The following BCOR variants were observed in gnomAD, a reference collection of about 807,000 sequenced individuals.
BCOR encodes BCL6 corepressor.
A neutral mutation model predicts 86.7 loss-of-function variants in BCOR; 10 were observed. The observed-to-expected ratio is 0.12, with a 90% CI of 0.07 to 0.20. The LOEUF (loss-of-function observed/expected upper bound fraction) is 0.20, where lower values mean the gene tolerates loss of function less well. Among genes scored for constraint, BCOR ranks in the 10% least tolerant of loss-of-function variants. The pLI, the probability that BCOR is intolerant of heterozygous loss-of-function variation, is 1.00. For missense variants in BCOR, 1,259 were observed against 1,452.1 expected, an observed-to-expected ratio of 0.87 and a Z score of 2.16; for synonymous variants, 611 against 609.0, an observed-to-expected ratio of 1.00 and a Z score of -0.05.
intron 1 of BCOR, among the ~76,000 whole-genome samples, chrX:40,149,403 G>C (rs1293656788): frequency 9.0e-6 from 1 of 111,279 alleles, no homozygotes; most frequent in Non-Finnish European, 1.9e-5. Context: ...ATCCTGCTTC[G>C]GGAACACAAC....
At chrX:40,167,986 G>T (rs1243884568) in intron 1 of BCOR, among the ~76,000 whole-genome samples, 1 of 112,393 alleles carries the variant, frequency 8.9e-6, no homozygotes, top group Non-Finnish European at 1.9e-5. Flanking sequence ...CGCTACCTAC[G>T]CTAGCGCTGG....
chrX:40,085,416 C>G (rs906787542), intron 1 of BCOR, among the ~76,000 whole-genome samples: 1 of 111,325 alleles, frequency 9.0e-6, no homozygotes, highest in Non-Finnish European at 1.9e-5. Flanking sequence ...ACTCGTTTTG[C>G]AAGCAACATT....
rs373263562 is a variant in BCOR, at chrX:40,052,179, A to T, written c.5198T>A (p.Ile1733Asn). ...LLDLVEFTNE[I>N]QTLLGSSVEW... ...TACAGAGGAGCCCAGCAGAGTCTGAATTTCGTTCGTGAATTCCACCAGATC... is the reference window on the plus strand; with the variant it reads ...TACAGAGGAGCCCAGCAGAGTCTGATTTTCGTTCGTGAATTCCACCAGATC... The change falls in exon 15 of 15, where the codon ATT becomes AAT. Residue 1733 changes from isoleucine (I) to asparagine (N), a missense_variant. By Grantham distance (149) the Ile-to-Asn change is moderately radical (BLOSUM62 -3). Around this residue, in one of 7 missense-constraint regions of BCOR, gnomAD observed 137 missense variants for 149.8 expected, o/e 0.91. Coordinates refer to ENST00000378444, the MANE Select transcript of BCOR (RefSeq NM_001123385.2). The T allele has an allele frequency of 5.8e-6, 7 of 1,208,554 alleles. No individual in the cohort carries two copies. The African/African-American group carries it at 1.2e-4, about 21-fold the overall frequency.
intron 1 of BCOR, among the ~76,000 whole-genome samples, chrX:40,127,145 A>G (rs770619775): frequency 8.9e-6 from 1 of 112,294 alleles, no homozygotes; most frequent in South Asian, 3.7e-4. Flanking sequence ...TGCTCTGACC[A>G]ATAGAATGCA....
At chrX:40,147,739 G>A (rs1602265574) in intron 1 of BCOR, among the ~76,000 whole-genome samples, 1 of 113,328 alleles carries the variant, frequency 8.8e-6, no homozygotes, top group Middle Eastern at 4.6e-3. Context: ...AGCAGCAGCC[G>A]CCCGAGTCCC....
At chrX:40,094,463 C>G (rs796494078) in intron 1 of BCOR, among the ~76,000 whole-genome samples, 2 of 113,070 alleles carry the variant, frequency 1.8e-5, no homozygotes, top group South Asian at 3.6e-4. Flanking sequence ...CACCACGGGT[C>G]CTCTCCAGCT....
At chrX:40,166,009 G>A (rs1054120657) in intron 1 of BCOR, among the ~76,000 whole-genome samples, 2 of 111,607 alleles carry the variant, frequency 1.8e-5, no homozygotes, top group Non-Finnish European at 3.8e-5. Flanking sequence ...CTACTTCATC[G>A]GATCTTTCTC....
chrX:40,065,264 A>ACCTT (rs1935143948), intron 6 of BCOR, among the ~76,000 whole-genome samples: 1 of 112,407 alleles, frequency 8.9e-6, no homozygotes, highest in Non-Finnish European at 1.9e-5. Flanking sequence ...GGCGTGGCAA[A>ACCTT]GCCAAAGGCA....
In BCOR at chrX:40,072,714, C is replaced by T. The variant is rs768022261; in HGVS notation, c.2632G>A (p.Val878Ile). 1.1e-5 allele frequency: 13 copies of T among 1,210,252 alleles called. No homozygotes were observed. The highest frequency in any genetic ancestry group is 5.9e-5 in the East Asian group (2 of 33,791). ...TYTFKQPVFT[V>I]SKDSVLAGTN... Reference sequence around the variant, plus strand: ...CCTGCCAGAACACTGTCCTTGCTTACGGTGAAGACTGGCTGTTTGAAAGTA... The same window carrying T: ...CCTGCCAGAACACTGTCCTTGCTTATGGTGAAGACTGGCTGTTTGAAAGTA... The change falls in exon 4 of 15, where the codon GTA becomes ATA. Residue 878 changes from valine (V) to isoleucine (I), a missense_variant. By Grantham distance (29) the Val-to-Ile change is conservative. Around this residue, in one of 7 missense-constraint regions of BCOR, gnomAD observed 534 missense variants for 594.8 expected, o/e 0.90. Transcript: ENST00000378444.
intron 1 of BCOR, among the ~76,000 whole-genome samples, chrX:40,108,473 C>T (rs1395733368): frequency 8.8e-6 from 1 of 113,541 alleles, no homozygotes; most frequent in East Asian, 2.8e-4. Context: ...GAGCCGAGTC[C>T]GCGAGGCGAG....
In BCOR at chrX:40,062,243, C is replaced by G. The variant is rs1470830941; in HGVS notation, c.4324G>C (p.Glu1442Gln). The change falls in exon 10 of 15, where the codon GAG becomes CAG. Residue 1442 changes from glutamate to glutamine, a missense_variant. Physicochemically the swap from Glu to Gln is conservative, Grantham distance 29. Around this residue, in one of 7 missense-constraint regions of BCOR, gnomAD observed 305 missense variants for 286.1 expected, o/e 1.07. Transcript: ENST00000378444. ...TQLPCSSSPQ[E>Q]TTQSRPMPPE... ...GGCATAGGGCGAGACTGGGTGGTCT[C>G]CTGAGGGGAACTTGAGCATGGCAGC... is the stretch of plus-strand genomic sequence containing the variant. The G allele has an allele frequency of 8.3e-7, 1 of 1,211,114 alleles. No homozygotes were observed. The highest frequency in any genetic ancestry group is 1.1e-6 in the Non-Finnish European group (1 of 895,308).
intron 1 of BCOR, among the ~76,000 whole-genome samples, chrX:40,107,187 T>C (rs184103108): frequency 1.0e-3 from 113 of 110,714 alleles, no homozygotes; most frequent in African/African-American, 3.4e-3. Flanking sequence ...CCCCCTCCCG[T>C]ATAGGATCTA....
chrX:40,172,705 A>C (rs1411220526), intron 1 of BCOR, among the ~76,000 whole-genome samples: 1 of 112,982 alleles, frequency 8.9e-6, no homozygotes, highest in Non-Finnish European at 1.9e-5. Context: ...TGGCGGGACA[A>C]GCGGCGGGGA....
chrX:40,054,063 G>C (rs765004487), intron 13 of BCOR, 21 bp from the exon 14 acceptor site: 5 of 1,207,876 alleles, frequency 4.1e-6, no homozygotes, highest in Non-Finnish European at 5.6e-6. Flanking sequence ...GCAAATAAGA[G>C]AGGAAGGAAT....
intron 1 of BCOR, among the ~76,000 whole-genome samples, chrX:40,160,970 C>T (rs1388613282): frequency 3.7e-4 from 39 of 104,751 alleles, no homozygotes; most frequent in Admixed American, 8.2e-4. Flanking sequence ...TCACCGAACT[C>T]GGCCTTTTTT....
intron 1 of BCOR, among the ~76,000 whole-genome samples, chrX:40,104,887 G>T (rs1401227391): frequency 1.8e-5 from 2 of 111,895 alleles, no homozygotes; most frequent in African/African-American, 3.2e-5. Flanking sequence ...AGTTCCCCTC[G>T]GGCGAGCCGC....
Position 40,055,413 on chromosome X carries a change from T to C in BCOR, c.4696A>G (p.Ile1566Val). The C allele has an allele frequency of 8.3e-7, 1 of 1,211,123 alleles. No individual in the cohort carries two copies. The highest frequency in any genetic ancestry group is 1.1e-6 in the Non-Finnish European group (1 of 894,587). The change falls in exon 12 of 15, where the codon ATC becomes GTC. Residue 1566 changes from isoleucine to valine, a missense_variant. By Grantham distance (29) the Ile-to-Val change is conservative (BLOSUM62 3). Coordinates refer to ENST00000378444, the MANE Select transcript of BCOR (RefSeq NM_001123385.2). ...AGTTCACTGTGGGTCATTTTCATGA[T>C]GGTTCTACCTGAGTACGTAGCCAAG... The part of the protein sequence containing the change: ...PTLATYSGRT[I>V]MKMTHSELME...
intron 6 of BCOR, among the ~76,000 whole-genome samples, chrX:40,068,740 A>G (rs1935322056): frequency 8.8e-6 from 1 of 113,244 alleles, no homozygotes; most frequent in Admixed American, 9.2e-5. Context: ...GAGTTTGGGG[A>G]CACTCCTAAC....
chrX:40,135,339 C>G (rs1359817882), intron 1 of BCOR, among the ~76,000 whole-genome samples: 3 of 111,069 alleles, frequency 2.7e-5, no homozygotes, highest in Non-Finnish European at 5.7e-5. Context: ...AAGGGAAACC[C>G]CTGTAGGAAG....
Sources: allele counts gnomAD v4.1 joint callset (sites outside exome capture counted in the v4.1 genomes callset), GRCh38; gene constraint gnomAD v4.1.1; regional missense constraint gnomAD v4.1.1; transcripts MANE v1.5; gene names NCBI Gene and HGNC (gene_info 2026-07-23, HGNC 2026-07-21).